Variants in TMEM229B observed in about 807,000 individuals in gnomAD.
TMEM229B encodes transmembrane protein 229B, also known as chromosome 14 open reading frame 83.
Under a neutral mutation model 13.7 loss-of-function variants are expected in TMEM229B, and 6 were observed. That is an observed-to-expected ratio of 0.44 (90% CI 0.24 to 0.86). The LOEUF (loss-of-function observed/expected upper bound fraction) is 0.86. Among genes scored for constraint, TMEM229B ranks in the 40% least tolerant of loss-of-function variants. TMEM229B has a pLI of 0.23. For missense variants in TMEM229B, 170 were observed against 236.0 expected, an observed-to-expected ratio of 0.72 and a Z score of 1.83; for synonymous variants, 107 against 102.1, an observed-to-expected ratio of 1.05 and a Z score of -0.29.
intron 2 of TMEM229B, among the ~76,000 whole-genome samples, chr14:67,482,512 C>A (rs1334378757): frequency 6.6e-6 from 1 of 152,212 alleles, no homozygotes; most frequent in Non-Finnish European, 1.5e-5. Context: ...TCCCAAGCTT[C>A]ACTCCCCATC....
At position 67,473,474 on chromosome 14, in the gene TMEM229B, G is replaced by A. The variant is rs760370071; in HGVS notation, c.450C>T (p.Pro150=). ...LRLRFDKDAE[P]GEPSGALALA... ...GGGCTAGGGCGCCGCTGGGCTCCCCGGGCTCAGCGTCCTTGTCGAAGCGGA... is the reference window on the plus strand; with the variant it reads ...GGGCTAGGGCGCCGCTGGGCTCCCCAGGCTCAGCGTCCTTGTCGAAGCGGA... Residue 150 remains proline (P), a synonymous_variant, in exon 3 of 3, where the codon CCC becomes CCT. Coordinates refer to ENST00000554480, the MANE Select transcript of TMEM229B (RefSeq NM_001348543.2). The surrounding 1 kb of genome is among the most constrained non-coding windows in gnomAD (Gnocchi z 6.5). The A allele has an allele frequency of 3.7e-6, 6 of 1,614,032 alleles. No individual in the cohort carries two copies. The South Asian group carries it at 4.4e-5, about 12-fold the overall frequency.
intron 1 of TMEM229B, among the ~76,000 whole-genome samples, chr14:67,494,802 A>G (rs1176925898): frequency 6.6e-6 from 1 of 152,196 alleles, no homozygotes; most frequent in South Asian, 2.1e-4. Flanking sequence ...AGGCTACAGA[A>G]GAAGCACCAA....
At chr14:67,482,300 G>A (rs971399956) in intron 2 of TMEM229B, among the ~76,000 whole-genome samples, 3 of 152,318 alleles carry the variant, frequency 2.0e-5, no homozygotes, top group South Asian at 2.1e-4. Context: ...TGCCATAAAA[G>A]TCTAAGACAG....
intron 1 of TMEM229B, among the ~76,000 whole-genome samples, chr14:67,505,844 C>T (rs531667846): frequency 1.3e-5 from 2 of 152,078 alleles, no homozygotes; most frequent in South Asian, 2.1e-4. Flanking sequence ...GGATTACAGG[C>T]GCCCGCCACC....
chr14:67,511,464 C>G (rs899855766), intron 1 of TMEM229B, among the ~76,000 whole-genome samples: 3 of 151,714 alleles, frequency 2.0e-5, no homozygotes, highest in Non-Finnish European at 2.9e-5. Context: ...TTCAAAGATG[C>G]TGTCTCTTCT....
At chr14:67,533,370 C>G (rs1435676408) in intron 1 of TMEM229B, 4 of 151,522 alleles carry the variant, frequency 2.6e-5, no homozygotes, top group Non-Finnish European at 5.9e-5. Context: ...GCCCAGTGCG[C>G]GGCGGGGACG....
chr14:67,508,761 A>AAAAAAAAAAAAAAAAAAAAAAAAAAAC (rs1566698813), intron 1 of TMEM229B, among the ~76,000 whole-genome samples: 1 of 149,624 alleles, frequency 6.7e-6, no homozygotes, highest in Non-Finnish European at 1.5e-5. Flanking sequence ...CTCAAAAAAA[A>AAAAAAAAAAAAAAAAAAAAAAAAAAAC]AAAAAAAAAA....
chr14:67,476,313 G>A (rs976835284), intron 2 of TMEM229B, among the ~76,000 whole-genome samples: 3 of 152,136 alleles, frequency 2.0e-5, no homozygotes, highest in East Asian at 1.9e-4. Context: ...CAGGCTGGGC[G>A]CAGTGGCTCA....
intron 2 of TMEM229B, among the ~76,000 whole-genome samples, chr14:67,485,558 T>C (rs1008170964): frequency 6.6e-6 from 1 of 152,172 alleles, no homozygotes; most frequent in African/African-American, 2.4e-5. Flanking sequence ...GCTTGTCTGT[T>C]CAAGATTGCA....
Position 67,473,070 on chromosome 14 carries a change from G to A in TMEM229B, c.*350C>T, listed in dbSNP as rs1488628196. ...AGGTCAGGCCTTGCCTCCCACCTGC[G>A]GCCCCATTCTCATTGTCCCTTGGCC... On this transcript the variant is annotated 3_prime_UTR_variant, in exon 3 of 3. Transcript: ENST00000554480. This position sits in a 1 kb window ranked among gnomAD's most constrained non-coding sequence, Gnocchi z 6.5. 3 of 258,248 alleles carry A rather than the reference G, an allele frequency of 1.2e-5. No homozygotes were observed. The highest frequency in any genetic ancestry group is 6.4e-5 in the South Asian group (1 of 15,650). 16.0% of individuals were successfully genotyped at this position (258,248 alleles called of 1,614,324 possible).
chr14:67,512,939 C>T, intron 1 of TMEM229B, among the ~76,000 whole-genome samples: 1 of 152,178 alleles, frequency 6.6e-6, no homozygotes, highest in Admixed American at 6.5e-5. Context: ...TAATTTGGTC[C>T]CTTCCTGTAA....
chr14:67,475,006 C>G (rs1267135875), intron 2 of TMEM229B, among the ~76,000 whole-genome samples: 2 of 150,758 alleles, frequency 1.3e-5, no homozygotes, highest in Non-Finnish European at 2.9e-5. Context: ...ACCTCCGCCT[C>G]CTGGGTTCAA....
intron 1 of TMEM229B, among the ~76,000 whole-genome samples, chr14:67,526,375 T>A (rs1226164436): frequency 6.6e-6 from 1 of 152,258 alleles, no homozygotes; most frequent in Non-Finnish European, 1.5e-5. Context: ...GTAAGATGCC[T>A]GCTTGGAATG....
chr14:67,521,502 T>C (rs2033290670), intron 1 of TMEM229B, among the ~76,000 whole-genome samples: 1 of 152,196 alleles, frequency 6.6e-6, no homozygotes, highest in South Asian at 2.1e-4. Context: ...CATAGAAGTC[T>C]TAAAATAAAG....
In TMEM229B at chr14:67,473,937, G is replaced by C; in HGVS notation, c.-14C>G. ...GGCAGACGCCATGGCGCCGACTGGG[G>C]CTGGCTGCGGGGGGCGCAAGAGAGA... On this transcript the variant is annotated 5_prime_UTR_variant, in exon 3 of 3. Coordinates refer to ENST00000554480, the MANE Select transcript of TMEM229B (RefSeq NM_001348543.2). This position sits in a 1 kb window ranked among gnomAD's most constrained non-coding sequence, Gnocchi z 6.5. The C allele has an allele frequency of 6.3e-7, 1 of 1,589,408 alleles. No individual in the cohort carries two copies.
chr14:67,472,357 A>G lies in TMEM229B; in HGVS notation c.*1063T>C, dbSNP rs1271956978. 1 of 152,292 alleles carries G rather than the reference A, an allele frequency of 6.6e-6. No homozygotes were observed. Among genetic ancestry groups the G allele is most frequent in the Non-Finnish European group, 1.5e-5 (1 of 68,092 alleles). 9.4% of individuals were successfully genotyped at this position (152,292 alleles called of 1,614,324 possible). ...GTTTTGGCTTGAAAATAAACCAGGC[A>G]GGGAATAGATGACCTAGAACTCTGG... On this transcript the variant is annotated 3_prime_UTR_variant, in exon 3 of 3. Transcript: ENST00000554480.
chr14:67,474,027 G>T, intron 2 of TMEM229B, 86 bp from the exon 3 acceptor site: 1 of 1,393,434 alleles, frequency 7.2e-7, no homozygotes, highest in Non-Finnish European at 9.5e-7. Flanking sequence ...CCGAGGCGGC[G>T]GATCACTTGA....
chr14:67,527,352 T>C (rs2033383186), intron 1 of TMEM229B, among the ~76,000 whole-genome samples: 1 of 152,164 alleles, frequency 6.6e-6, no homozygotes, highest in Admixed American at 6.5e-5. Flanking sequence ...ATGATTCCTC[T>C]GTTTCAGCTC....
At chr14:67,526,250 C>A (rs12882704) in intron 1 of TMEM229B, among the ~76,000 whole-genome samples, 44,507 of 152,148 alleles carry the variant, frequency 0.29, 7,568 homozygotes, top group East Asian at 0.4. Flanking sequence ...CGGTCTAGTG[C>A]CAGCTCTGTA....
Sources: gnomAD v4.1 joint callset for allele counts (sites outside exome capture counted in the v4.1 genomes callset) on GRCh38, gnomAD v4.1.1 for gene constraint, Gnocchi (gnomAD v3.1) non-coding constraint, MANE v1.5 for transcripts, NCBI Gene and HGNC (gene_info 2026-07-23, HGNC 2026-07-21) for gene names.